PATL2: variants seen among roughly 807,000 people sequenced by gnomAD.
The protein encoded by PATL2 is protein PAT1 homolog 2.
Under a neutral mutation model 77.0 loss-of-function variants are expected in PATL2, and 73 were observed. The observed-to-expected ratio is 0.95, with a 90% confidence interval of 0.78 to 1.15. The LOEUF is 1.15. Among genes scored for constraint, PATL2 ranks in the 50% most tolerant of loss-of-function variants. The pLI is 0.00. For synonymous variants in PATL2, 265 were observed against 257.1 expected, an observed-to-expected ratio of 1.03 and a Z score of -0.29; for missense variants, 618 against 655.4, an observed-to-expected ratio of 0.94 and a Z score of 0.62.
intron 3 of PATL2, among the ~76,000 whole-genome samples, chr15:44,709,485 C>G (rs1430486263): frequency 6.6e-6 from 1 of 151,676 alleles, no homozygotes; most frequent in Non-Finnish European, 1.5e-5. Context: ...AGTTCGAGAC[C>G]AGCCTGGGCA....
In PATL2 at chr15:44,673,117, T is replaced by C; in HGVS notation, c.446+118A>G. 7 of 1,298,492 alleles carry C rather than the reference T, an allele frequency of 5.4e-6. No individual in the cohort carries two copies. In the Admixed American group the frequency reaches 8.1e-5, roughly 15 times the overall value. 80.4% of individuals were successfully genotyped at this position (1,298,492 alleles called of 1,614,324 possible). On this transcript the variant is annotated intron_variant, in intron 7 of 17. Transcript: ENST00000682850. ...TTGTGAGGGAGACGGAATTAGACTA[T>C]ACCTCAGACTTCTCTTACTAGTTTT...
In PATL2 at chr15:44,672,404, G is replaced by C; in HGVS notation, c.499C>G (p.His167Asp). The change falls in exon 8 of 18, where the codon CAT becomes GAT. Residue 167 changes from histidine (H) to aspartate (D), a missense_variant. His to Asp is a moderately conservative substitution (Grantham distance 81). Transcript: ENST00000682850. Reference sequence around the variant, plus strand: ...GGGCTTTACCTTGGTGTTTGACTATGCTGCTGCTGCTGCAAGATTCGTTGG... The same window carrying C: ...GGGCTTTACCTTGGTGTTTGACTATCCTGCTGCTGCTGCAAGATTCGTTGG... ...RHQRILQQQQ[H>D]SQTPSPPAKK... is the part of the protein sequence containing the mutation. The C allele has an allele frequency of 1.3e-6, 2 of 1,550,992 alleles. No homozygotes were observed. The highest frequency in any genetic ancestry group is 1.7e-6 in the Non-Finnish European group (2 of 1,146,462).
At chr15:44,693,004 T>A (rs1482347635) in intron 3 of PATL2, among the ~76,000 whole-genome samples, 1 of 152,216 alleles carries the variant, frequency 6.6e-6, no homozygotes, top group African/African-American at 2.4e-5. Flanking sequence ...CCTACCTTCC[T>A]CAGCTATGGA....
chr15:44,672,284 G>A (rs1289058839), intron 8 of PATL2, 104 bp downstream of exon 8: 5 of 1,525,080 alleles, frequency 3.3e-6, no homozygotes, highest in Non-Finnish European at 4.4e-6. Flanking sequence ...CAGTATGAGA[G>A]TTTTAACCAC....
rs1029035424 is a variant in PATL2 at position 44,666,799 on chromosome 15, G to A, written c.1464-258C>T. 7.7e-6 allele frequency: 4 copies of A among 518,632 alleles called. No individual in the cohort carries two copies. The Admixed American group carries it at 1.5e-4, about 19-fold the overall frequency. The allele number at this position is 518,632 out of a possible 1,614,324, so 32.1% of individuals were successfully genotyped here. A position where few individuals can be genotyped will look rare whatever the true frequency, so the allele number is the denominator to read the frequency against. On this transcript the variant is annotated intron_variant, in intron 16 of 17. Transcript: ENST00000682850. ...TTGTAGATAAAGAAACAAACTAAGA[G>A]AAGTGAGAAGTGAAAGAACTTGCCC...
At chr15:44,675,184 G>C (rs1936443278) in intron 5 of PATL2, 3 of 334,506 alleles carry the variant, frequency 9.0e-6, no homozygotes, top group South Asian at 1.1e-4. Flanking sequence ...TGAGACAGAG[G>C]GGCCCAGGAT....
intron 14 of PATL2, 77 bp downstream of exon 14, chr15:44,668,903 A>G: frequency 3.5e-6 from 5 of 1,424,528 alleles, no homozygotes; most frequent in Non-Finnish European, 4.7e-6. Context: ...TCTCTGGGGC[A>G]TGTGGGGACT....
intron 3 of PATL2, among the ~76,000 whole-genome samples, chr15:44,693,471 C>CT (rs1019530075): frequency 1.3e-5 from 2 of 152,184 alleles, no homozygotes; most frequent in African/African-American, 4.8e-5. Flanking sequence ...ACATCTCCCT[C>CT]TGACTACCAT....
intron 17 of PATL2, 110 bp from the exon 18 acceptor site, chr15:44,666,081 C>T: frequency 9.7e-7 from 1 of 1,026,218 alleles, no homozygotes; most frequent in Admixed American, 2.9e-5. Context: ...ACAGAGATGA[C>T]CATGTTATTC....
intron 4 of PATL2, chr15:44,676,273 T>C (rs1197555033): frequency 1.7e-6 from 1 of 597,040 alleles, no homozygotes; most frequent in East Asian, 2.9e-5. Flanking sequence ...CCTGGGTTGT[T>C]GTTGATAATT....
chr15:44,675,864 C>T (rs2085929607), intron 4 of PATL2, 173 bp from the exon 5 acceptor site: 2 of 605,058 alleles, frequency 3.3e-6, no homozygotes, highest in Non-Finnish European at 2.8e-6. Context: ...TCCCAAGGTG[C>T]CCCGAACCAT....
At position 44,676,524 on chromosome 15, in the gene PATL2, G is replaced by T; in HGVS notation, c.-34C>A. 6.4e-7 allele frequency: 1 copy of T among 1,551,266 alleles called. No homozygotes were observed. Among genetic ancestry groups the T allele is most frequent in the Non-Finnish European group, 8.7e-7 (1 of 1,146,764 alleles). On this transcript the variant is annotated 5_prime_UTR_variant, in exon 4 of 18. Coordinates refer to ENST00000682850, the MANE Select transcript of PATL2 (RefSeq NM_001387263.1). ...GCTGGTGGACTTCCTTCTTAGCCGT[G>T]TCCTCCAGTGAAACAGCATTGCCAG...
chr15:44,694,364 A>C (rs2086458832), intron 3 of PATL2, among the ~76,000 whole-genome samples: 1 of 152,222 alleles, frequency 6.6e-6, no homozygotes, highest in African/African-American at 2.4e-5. Flanking sequence ...CATTTGTGGC[A>C]AGTTGATCCA....
At chr15:44,675,369 G>A in intron 5 of PATL2, 117 bp downstream of exon 5, 1 of 1,192,552 alleles carries the variant, frequency 8.4e-7, no homozygotes, top group Non-Finnish European at 1.2e-6. Flanking sequence ...AAAAGAAAGT[G>A]TTAATCCAGA....
intron 3 of PATL2, chr15:44,697,542 C>T (rs2086533726): frequency 1.3e-5 from 2 of 152,292 alleles, no homozygotes; most frequent in South Asian, 4.1e-4. Context: ...TATTACACAT[C>T]TTGTTGCTGG....
At chr15:44,704,277 A>T (rs1039008918) in intron 3 of PATL2, among the ~76,000 whole-genome samples, 1 of 150,814 alleles carries the variant, frequency 6.6e-6, no homozygotes, top group Non-Finnish European at 1.5e-5. Context: ...TGGCCTCCCA[A>T]AGTGCTAGGA....
At chr15:44,679,447 T>C (rs909484747) in intron 3 of PATL2, among the ~76,000 whole-genome samples, 1 of 151,890 alleles carries the variant, frequency 6.6e-6, no homozygotes, top group African/African-American at 2.4e-5. Flanking sequence ...AGTCTGGTCT[T>C]GAACTCCTGA....
At chr15:44,684,999 G>A (rs1384501171) in intron 3 of PATL2, among the ~76,000 whole-genome samples, 2 of 152,164 alleles carry the variant, frequency 1.3e-5, no homozygotes, top group Non-Finnish European at 2.9e-5. Flanking sequence ...GCCAAACTAA[G>A]CTTCATAAGT....
At position 44,672,112 on chromosome 15, in the gene PATL2, G is replaced by A; in HGVS notation, c.560C>T (p.Ala187Val). 4 of 1,551,708 alleles carry A rather than the reference G, an allele frequency of 2.6e-6. No homozygotes were observed. The highest frequency in any genetic ancestry group is 3.5e-6 in the Non-Finnish European group (4 of 1,146,998). ...CTTCTCTTTTCTGGTCATGAGGTTA[G>A]CATAGGGGTCTGGCTGCTGAGACCA... ...KPWSQQPDPY[A>V]NLMTRKEKDW... is the part of the protein sequence containing the mutation. Residue 187 changes from alanine (A) to valine (V), a missense_variant, in exon 9 of 18, where the codon GCT (alanine) becomes GTT (valine). Ala to Val is a moderately conservative substitution (Grantham distance 64). Coordinates refer to ENST00000682850, the MANE Select transcript of PATL2 (RefSeq NM_001387263.1).
Sources: allele counts gnomAD v4.1 joint callset (sites outside exome capture counted in the v4.1 genomes callset), GRCh38; gene constraint gnomAD v4.1.1; transcripts MANE v1.5; gene names NCBI Gene and HGNC (gene_info 2026-07-23, HGNC 2026-07-21).